Variants in ZNF407 observed in about 807,000 individuals in gnomAD.
ZNF407 encodes the protein zinc finger protein 407.
In ZNF407, 17 loss-of-function variants were observed where a neutral mutation model predicts 131.2. That is an observed-to-expected ratio of 0.13 (90% CI 0.09 to 0.19). ZNF407 has a LOEUF of 0.19. Ranked by LOEUF, ZNF407 falls within the 10% of genes least tolerant of loss-of-function variation. ZNF407 has a pLI of 1.00. For missense variants in ZNF407, 2,681 were observed against 2,830.6 expected (o/e 0.95, Z 1.20); for synonymous variants, 1,156 against 1,062.0 (o/e 1.09, Z -1.72).
intron 4 of ZNF407, among the ~76,000 whole-genome samples, chr18:74,852,085 G>A (rs542259517): frequency 2.6e-5 from 4 of 152,178 alleles, no homozygotes; most frequent in East Asian, 1.9e-4. Flanking sequence ...CGCCTACCGC[G>A]GCAGAGAATA....
At chr18:74,800,877 A>C (rs945224862) in intron 4 of ZNF407, among the ~76,000 whole-genome samples, 2 of 152,124 alleles carry the variant, frequency 1.3e-5, no homozygotes, top group Non-Finnish European at 1.5e-5. Flanking sequence ...GTCATTTGTC[A>C]GGTTATTGTT....
At chr18:74,810,806 A>G (rs1350397387) in intron 4 of ZNF407, among the ~76,000 whole-genome samples, 3 of 152,180 alleles carry the variant, frequency 2.0e-5, no homozygotes, top group African/African-American at 7.2e-5. Context: ...ATATGTAGAA[A>G]GCTGAAACTG....
chr18:74,641,624 G>A (rs1195729463), intron 3 of ZNF407, among the ~76,000 whole-genome samples: 1 of 152,100 alleles, frequency 6.6e-6, no homozygotes, highest in Non-Finnish European at 1.5e-5. Flanking sequence ...CTGTTGTTAT[G>A]CATTTTTGTG....
chr18:74,773,544 G>T (rs1196147967), intron 3 of ZNF407, among the ~76,000 whole-genome samples: 5 of 152,134 alleles, frequency 3.3e-5, no homozygotes, highest in Admixed American at 3.3e-4. Context: ...CAAGTTACTA[G>T]AGAGCTTAAA....
intron 3 of ZNF407, among the ~76,000 whole-genome samples, chr18:74,658,129 T>C (rs953710728): frequency 6.6e-6 from 1 of 152,146 alleles, no homozygotes; most frequent in Non-Finnish European, 1.5e-5. Context: ...TATTTATTTT[T>C]TGAGACGGAG....
At chr18:75,041,968 G>T (rs1166289623) in intron 8 of ZNF407, among the ~76,000 whole-genome samples, 2 of 151,966 alleles carry the variant, frequency 1.3e-5, no homozygotes, top group Non-Finnish European at 2.9e-5. Flanking sequence ...TAGATAATTT[G>T]CATTTCATTC....
intron 3 of ZNF407, among the ~76,000 whole-genome samples, chr18:74,645,944 A>G (rs1030878808): frequency 6.6e-6 from 1 of 152,312 alleles, no homozygotes; most frequent in African/African-American, 2.4e-5. Context: ...CATGAAATAC[A>G]TTACATTATT....
chr18:75,039,807 TA>T (rs1328939637), intron 8 of ZNF407, among the ~76,000 whole-genome samples: 1 of 151,502 alleles, frequency 6.6e-6, no homozygotes, highest in African/African-American at 2.4e-5. Flanking sequence ...TAATGCAGGT[TA>T]TAGTTTCAAA....
intron 4 of ZNF407, among the ~76,000 whole-genome samples, chr18:74,784,869 G>T: frequency 6.6e-6 from 1 of 152,194 alleles, no homozygotes; most frequent in East Asian, 1.9e-4. Context: ...TGAAAGCCAG[G>T]TGCAATTACA....
In ZNF407 at chr18:74,779,109, A is replaced by T. The variant is rs867648570; in HGVS notation, c.4803-2319A>T. Among the ~76,000 whole-genome samples, 89 of 24,390 alleles carry T rather than the reference A, an allele frequency of 3.6e-3. 3 individuals carry two copies. Among genetic ancestry groups the T allele is most frequent in the African/African-American group, 9.9e-3 (72 of 7,238 alleles). 16.0% of individuals were successfully genotyped at this position (24,390 alleles called of 152,430 possible). The stretch of plus-strand genomic sequence containing the variant: ...TTGGCATATATATATATATATATAT[A>T]TTTTTTTTTTTTTTTTTTTTTTTTG... On this transcript the variant is annotated intron_variant, in intron 3 of 8. Transcript: ENST00000299687.
At chr18:74,883,788 A>G (rs572362432) in intron 6 of ZNF407, among the ~76,000 whole-genome samples, 7 of 152,312 alleles carry the variant, frequency 4.6e-5, no homozygotes, top group Non-Finnish European at 8.8e-5. Flanking sequence ...TTCCTTATCA[A>G]TGGGGCCTGA....
intron 8 of ZNF407, chr18:75,062,541 C>CA (rs11388154): frequency 0.16 from 23,766 of 152,200 alleles, 2,218 homozygotes; most frequent in African/African-American, 0.26. Context: ...CACGGCGACT[C>CA]ACATGGCCGC....
rs888240415 is a variant in ZNF407 at position 74,703,955 on chromosome 18, T to A, written c.4802+62833T>A. Among the ~76,000 whole-genome samples the A allele has an allele frequency of 6.6e-6, 1 of 152,198 alleles. No individual in the cohort carries two copies. ...GGACCACTGGAAGGATCTCTTTTTTTTTATTTTTTATTTTTTTGCATCTCA... is the reference window on the plus strand; with the variant it reads ...GGACCACTGGAAGGATCTCTTTTTTATTATTTTTTATTTTTTTGCATCTCA... On this transcript the variant is annotated intron_variant, in intron 3 of 8. Coordinates refer to ENST00000299687, the MANE Select transcript of ZNF407 (RefSeq NM_017757.3). This position sits in a 1 kb window ranked among gnomAD's most constrained non-coding sequence, Gnocchi z 4.1.
intron 3 of ZNF407, among the ~76,000 whole-genome samples, chr18:74,779,058 G>A (rs1259758263): frequency 2.3e-5 from 3 of 130,024 alleles, no homozygotes; most frequent in Non-Finnish European, 3.2e-5. Flanking sequence ...TGTCCATATG[G>A]GTCAGTAATT....
chr18:74,673,562 C>T (rs989270986), intron 3 of ZNF407, among the ~76,000 whole-genome samples: 2 of 152,162 alleles, frequency 1.3e-5, no homozygotes, highest in East Asian at 1.9e-4. Flanking sequence ...TGTGAGGAAG[C>T]GTATTCACAG....
In ZNF407 at chr18:74,725,131, T is replaced by G. The variant is rs78786119; in HGVS notation, c.4803-56297T>G. On this transcript the variant is annotated intron_variant, in intron 3 of 8. Transcript: ENST00000299687. Reference sequence around the variant, plus strand: ...TGAGCTGTTTGTGTTCTGTACCTATTAAGTATGCCTTTTTTTTCTTTTGAG... The same window carrying G: ...TGAGCTGTTTGTGTTCTGTACCTATGAAGTATGCCTTTTTTTTCTTTTGAG... Among the ~76,000 whole-genome samples the G allele has an allele frequency of 9.8e-5, 15 of 152,344 alleles. No homozygotes were observed. The East Asian group carries it at 2.9e-3, about 29-fold the overall frequency.
At chr18:74,888,383 GTTAATTT>G (rs1411473679) in intron 6 of ZNF407, among the ~76,000 whole-genome samples, 1 of 151,912 alleles carries the variant, frequency 6.6e-6, no homozygotes, top group Non-Finnish European at 1.5e-5. Context: ...TTTTACAATA[GTTAATTT>G]AACCAAATTC....
rs1986198349 is a variant in ZNF407 at position 74,672,629 on chromosome 18, T to A, written c.4802+31507T>A. On this transcript the variant is annotated intron_variant, in intron 3 of 8. Coordinates refer to ENST00000299687, the MANE Select transcript of ZNF407 (RefSeq NM_017757.3). ...ACTGTTTTTCTGTTCATTGGAGCAC[T>A]GTTTATTCATTGGAGCACTGTTCGT... Among the ~76,000 whole-genome samples the A allele has an allele frequency of 2.6e-5, 4 of 151,798 alleles. No individual in the cohort carries two copies. The South Asian group carries it at 8.3e-4, about 32-fold the overall frequency.
intron 1 of ZNF407, among the ~76,000 whole-genome samples, chr18:74,625,830 G>A (rs1231869123): frequency 1.3e-5 from 2 of 152,124 alleles, no homozygotes; most frequent in Non-Finnish European, 2.9e-5. Context: ...ACAAGTGCTT[G>A]GAACTGTTCT....
Sources: gnomAD v4.1 joint callset for allele counts (sites outside exome capture counted in the v4.1 genomes callset) on GRCh38, gnomAD v4.1.1 for gene constraint, Gnocchi (gnomAD v3.1) non-coding constraint, MANE v1.5 for transcripts, NCBI Gene and HGNC (gene_info 2026-07-23, HGNC 2026-07-21) for gene names.